The following ATG9B variants were observed in gnomAD, a reference collection of about 807,000 sequenced individuals.
The protein encoded by ATG9B is autophagy-related protein 9B.
A neutral mutation model predicts 92.9 loss-of-function variants in ATG9B; 92 were observed. The observed-to-expected ratio is 0.99, with a 90% CI of 0.84 to 1.18. The LOEUF (loss-of-function observed/expected upper bound fraction) is 1.18. Among genes scored for constraint, ATG9B ranks in the 50% most tolerant of loss-of-function variants. The pLI, the probability that ATG9B is intolerant of heterozygous loss-of-function variation, is 0.00. For missense variants in ATG9B, 1,344 were observed against 1,235.0 expected (o/e 1.09, Z -1.32); for synonymous variants, 599 against 551.4 (o/e 1.09, Z -1.21).
Position 151,018,436 on chromosome 7 carries a change from G to A in ATG9B, c.1730C>T (p.Pro577Leu). 2.6e-6 allele frequency: 4 copies of A among 1,526,754 alleles called. No homozygotes were observed. Among genetic ancestry groups the A allele is most frequent in the South Asian group, 2.6e-5 (2 of 77,754 alleles). 94.6% of individuals were successfully genotyped at this position (1,526,754 alleles called of 1,614,324 possible). ...VTATVARSFIPEEQCQGRAPQ... is the reference protein window; with the variant it reads ...VTATVARSFILEEQCQGRAPQ... ...CGCACGACCCTGGCACTGCTCTTCC[G>A]GAATGAAAGACCTGAAAGGCGGGAT... Residue 577 changes from proline to leucine, a missense_variant, in exon 7 of 14, where the codon CCG becomes CTG. Pro to Leu is a moderately conservative substitution (Grantham distance 98). Coordinates refer to ENST00000639579, the MANE Select transcript of ATG9B (RefSeq NM_001317056.2). The surrounding 1 kb of genome is among the most constrained non-coding windows in gnomAD (Gnocchi z 4.7).
In ATG9B at chr7:151,019,082, G is replaced by A; in HGVS notation, c.1256C>T (p.Pro419Leu). 1 of 1,535,992 alleles carries A rather than the reference G, an allele frequency of 6.5e-7. No individual in the cohort carries two copies. Reference protein sequence around the residue: ...FSLFRGGWELPHAYKRSDQRG... With the variant: ...FSLFRGGWELLHAYKRSDQRG... The stretch of plus-strand genomic sequence containing the variant: ...CTGGTCGCTGCGCTTGTAGGCGTGC[G>A]GCAGCTCCCAGCCCCCGCGGAAGAG... Residue 419 changes from proline (P) to leucine (L), a missense_variant, in exon 6 of 14, where the codon CCG (proline) becomes CTG (leucine). Pro to Leu is a moderately conservative substitution (Grantham distance 98). Coordinates refer to ENST00000639579, the MANE Select transcript of ATG9B (RefSeq NM_001317056.2).
At chr7:151,013,672 C>CG, downstream of ATG9B, 3 of 1,426,622 alleles carry the variant, frequency 2.1e-6, no homozygotes, top group Non-Finnish European at 2.8e-6. Flanking sequence ...CCCCGGGCTG[C>CG]GCCCCCGCGC....
chr7:151,023,473 T>G lies in ATG9B; in HGVS notation c.631A>C (p.Ile211Leu). The G allele has an allele frequency of 6.2e-7, 1 of 1,613,178 alleles. No individual in the cohort carries two copies. Among genetic ancestry groups the G allele is most frequent in the Non-Finnish European group, 8.5e-7 (1 of 1,179,622 alleles). ...AGCTGGAAGACATCCTCCAGCAAGA[T>G]GCAGGCAAAGCCATTCCGCTGGTGG... ...SYHQRNGFAC[I>L]LLEDVFQLGQ... Residue 211 changes from isoleucine (I) to leucine (L), a missense_variant, in exon 3 of 14, where the codon ATC becomes CTC. Ile to Leu is a conservative substitution (Grantham distance 5). Coordinates refer to ENST00000639579, the MANE Select transcript of ATG9B (RefSeq NM_001317056.2).
downstream of ATG9B, chr7:151,013,626 G>A: frequency 1.4e-5 from 14 of 1,000,974 alleles, no homozygotes; most frequent in South Asian, 4.8e-5. Flanking sequence ...CACCAGGCCC[G>A]CTCCGGAGAC....
intron 5 of ATG9B, 90 bp from the exon 6 acceptor site, chr7:151,019,464 A>G (rs1221904679): frequency 6.9e-7 from 1 of 1,440,882 alleles, no homozygotes; most frequent in East Asian, 2.5e-5. Flanking sequence ...CGGCCTGAAA[A>G]CCCGCAAACT....
At chr7:151,013,847 G>T (rs1238557283), downstream of ATG9B, 5 of 1,605,260 alleles carry the variant, frequency 3.1e-6, no homozygotes, top group Non-Finnish European at 3.4e-6. Context: ...CCTGCAGACC[G>T]TGCAGCGCAT....
downstream of ATG9B, chr7:151,014,261 G>A (rs1795390840): frequency 1.6e-6 from 2 of 1,288,204 alleles, no homozygotes; most frequent in Non-Finnish European, 2.1e-6. Flanking sequence ...CCCCTCTTGA[G>A]GTGGTGCCTT....
intron 9 of ATG9B, 88 bp from the exon 10 acceptor site, chr7:151,016,909 G>A: frequency 6.6e-7 from 1 of 1,525,858 alleles, no homozygotes; most frequent in East Asian, 2.3e-5. Context: ...CCTAAAGAAG[G>A]CAGGAGAGCA....
chr7:151,019,500 G>T, intron 5 of ATG9B, 126 bp from the exon 6 acceptor site: 1 of 1,293,334 alleles, frequency 7.7e-7, no homozygotes, highest in Non-Finnish European at 1.0e-6. Context: ...AACTCGCCAT[G>T]ACCAAGCTAC....
chr7:151,023,420 T>TCCGGGC, intron 3 of ATG9B, 25 bp downstream of exon 3: 1 of 1,612,162 alleles, frequency 6.2e-7, no homozygotes, highest in East Asian at 2.2e-5. Context: ...GGGACCGAGT[T>TCCGGGC]CCGGGCCCGG....
chr7:151,013,691 A>G (rs759849285), downstream of ATG9B: 18 of 772,586 alleles, frequency 2.3e-5, no homozygotes, highest in Middle Eastern at 4.1e-3. Flanking sequence ...GCCCACCCCC[A>G]CCAGGGCCCG....
In ATG9B at chr7:151,018,011, G is replaced by A. The variant is rs1263816376; in HGVS notation, c.1912C>T (p.Pro638Ser). 1 of 1,601,650 alleles carries A rather than the reference G, an allele frequency of 6.2e-7. No individual in the cohort carries two copies. Among genetic ancestry groups the A allele is most frequent in the African/African-American group, 1.3e-5 (1 of 74,756 alleles). The change falls in exon 8 of 14, where the codon CCG becomes TCG. Residue 638 changes from proline to serine, a missense_variant. Pro to Ser is a moderately conservative substitution (Grantham distance 74). Coordinates refer to ENST00000639579, the MANE Select transcript of ATG9B (RefSeq NM_001317056.2). The surrounding 1 kb of genome is among the most constrained non-coding windows in gnomAD (Gnocchi z 4.7). The part of the protein sequence containing the change: ...LEELLSPLLT[P>S]LFLLFWFRPR... ...CGGAACCAGAAAAGCAGAAACAGCG[G>A]GGTGAGGAGCGGGGACAGGAGCTCC...
At chr7:151,013,853 C>A (rs774447524), downstream of ATG9B, 1 of 1,604,442 alleles carries the variant, frequency 6.2e-7, no homozygotes, top group Non-Finnish European at 8.5e-7. Context: ...GACCGTGCAG[C>A]GCATCCTGGC....
chr7:151,019,356 G>T lies in ATG9B; in HGVS notation c.982C>A (p.Pro328Thr), dbSNP rs762644989. 52 of 1,527,382 alleles carry T rather than the reference G, an allele frequency of 3.4e-5. No individual in the cohort carries two copies. The highest frequency in any genetic ancestry group is 4.5e-5 in the Non-Finnish European group (51 of 1,144,610). The allele number at this position is 1,527,382 out of a possible 1,614,324, so 94.6% of individuals were successfully genotyped here. The change falls in exon 6 of 14, where the codon CCC (proline) becomes ACC (threonine). Residue 328 changes from proline (P) to threonine (T), a missense_variant. Transcript: ENST00000639579. ...HIPPEELSSV[P>T]WAEVQSRLLA... is the part of the protein sequence containing the mutation. ...AGGCGGGACTGCACCTCTGCCCAGG[G>T]AACCGAGCTCAGCTCCTCCTGAAAG... is the stretch of plus-strand genomic sequence containing the variant.
Position 151,018,379 on chromosome 7 carries a change from T to C in ATG9B, c.1787A>G (p.His596Arg). The change falls in exon 7 of 14, where the codon CAC becomes CGC. Residue 596 changes from histidine (H) to arginine (R), a missense_variant. Coordinates refer to ENST00000639579, the MANE Select transcript of ATG9B (RefSeq NM_001317056.2). This position sits in a 1 kb window ranked among gnomAD's most constrained non-coding sequence, Gnocchi z 4.7. ...PQLLLQTALAHMHYLPEEPGP... is the reference protein window; with the variant it reads ...PQLLLQTALARMHYLPEEPGP... ...GGGCTCCTCCGGGAGGTAGTGCATG[T>C]GGGCCAGGGCTGTCTGCAGCAGGAG... The C allele has an allele frequency of 6.3e-7, 1 of 1,596,172 alleles. No individual in the cohort carries two copies. Among genetic ancestry groups the C allele is most frequent in the Non-Finnish European group, 8.5e-7 (1 of 1,172,950 alleles).
At position 151,024,387 on chromosome 7, in the gene ATG9B, G is replaced by A. The variant is rs374438740; in HGVS notation, c.37C>T (p.Arg13Trp). The A allele has an allele frequency of 8.7e-6, 12 of 1,372,924 alleles. No homozygotes were observed. The highest frequency in any genetic ancestry group is 8.2e-5 in the East Asian group (3 of 36,594). 85.0% of individuals were successfully genotyped at this position (1,372,924 alleles called of 1,614,324 possible). A position where few individuals can be genotyped will look rare whatever the true frequency, so the allele number is the denominator to read the frequency against. ...CCCAGATCTCCCCACCGCCCCAGCCGCCTTCTTCTCCCCCCCCAGCCCATT... is the reference window on the plus strand; with the variant it reads ...CCCAGATCTCCCCACCGCCCCAGCCACCTTCTTCTCCCCCCCCAGCCCATT... ...SRMGWGGRRRRLGRWGDLGPG... is the reference protein window; with the variant it reads ...SRMGWGGRRRWLGRWGDLGPG... The change falls in exon 1 of 14, where the codon CGG (arginine) becomes TGG (tryptophan). Residue 13 changes from arginine to tryptophan, a missense_variant. Transcript: ENST00000639579.
chr7:151,021,185 C>A lies in ATG9B; in HGVS notation c.963+3G>T, dbSNP rs1219549196. ...TCTGCACAGACACAGCCACCCAGCTCACCGGGGGGATGTGCAGGGCCTCCC... is the reference window on the plus strand; with the variant it reads ...TCTGCACAGACACAGCCACCCAGCTAACCGGGGGGATGTGCAGGGCCTCCC... On this transcript the variant is annotated splice_donor_region_variant and intron_variant, in intron 5 of 13. Coordinates refer to ENST00000639579, the MANE Select transcript of ATG9B (RefSeq NM_001317056.2). 1 of 1,613,174 alleles carries A rather than the reference C, an allele frequency of 6.2e-7. No homozygotes were observed. The highest frequency in any genetic ancestry group is 8.5e-7 in the Non-Finnish European group (1 of 1,179,842).
At chr7:151,019,476 A>G in intron 5 of ATG9B, 102 bp from the exon 6 acceptor site, 2 of 1,424,756 alleles carry the variant, frequency 1.4e-6, no homozygotes, top group Non-Finnish European at 1.8e-6. Flanking sequence ...CCGCAAACTG[A>G]GTTTGCGATC....
chr7:151,017,834 C>G, intron 8 of ATG9B, 37 bp downstream of exon 8: 2 of 1,537,968 alleles, frequency 1.3e-6, no homozygotes, highest in Non-Finnish European at 1.8e-6. Flanking sequence ...GAACTCCCAC[C>G]CAGCCCAAAC....
Sources: allele counts gnomAD v4.1 joint callset, GRCh38; gene constraint gnomAD v4.1.1; non-coding constraint Gnocchi (gnomAD v3.1); transcripts MANE v1.5; gene names NCBI Gene and HGNC (gene_info 2026-07-23, HGNC 2026-07-21).